Variants in DLC1 observed in about 807,000 individuals in gnomAD.
The protein encoded by DLC1 is rho GTPase-activating protein 7.
A neutral mutation model predicts 140.3 loss-of-function variants in DLC1; 54 were observed. That is an observed-to-expected ratio of 0.38 (90% CI 0.31 to 0.48). The LOEUF (loss-of-function observed/expected upper bound fraction) is 0.48. Ranked by LOEUF, DLC1 falls within the 20% of genes least tolerant of loss-of-function variation. The pLI is 0.96. For synonymous variants in DLC1, 986 were observed against 728.1 expected, an observed-to-expected ratio of 1.35 and a Z score of -5.70; for missense variants, 2,536 against 1,907.0, an observed-to-expected ratio of 1.33 and a Z score of -6.14.
chr8:13,404,846 T>A (rs894317426), intron 2 of DLC1, among the ~76,000 whole-genome samples: 10 of 151,964 alleles, frequency 6.6e-5, no homozygotes, highest in Admixed American at 5.3e-4. Flanking sequence ...AAAAATATAT[T>A]TTTTTAAAAA....
chr8:13,179,294 C>T (rs985353784), intron 5 of DLC1, among the ~76,000 whole-genome samples: 1 of 151,798 alleles, frequency 6.6e-6, no homozygotes, highest in East Asian at 1.9e-4. Flanking sequence ...AGGAAGGGAT[C>T]GTCTGCAGAG....
intron 5 of DLC1, among the ~76,000 whole-genome samples, chr8:13,289,362 A>AT (rs919129315): frequency 4.0e-5 from 6 of 151,478 alleles, no homozygotes; most frequent in East Asian, 1.9e-4. Flanking sequence ...GGTTAAATTA[A>AT]TTTTTTTTTC....
chr8:13,407,385 A>G (rs977078264), intron 2 of DLC1, among the ~76,000 whole-genome samples: 1 of 152,136 alleles, frequency 6.6e-6, no homozygotes, highest in Non-Finnish European at 1.5e-5. Context: ...CCCTCTTTCT[A>G]CAAATGCTCT....
At chr8:13,299,178 C>T (rs915323231) in intron 5 of DLC1, among the ~76,000 whole-genome samples, 1 of 151,768 alleles carries the variant, frequency 6.6e-6, no homozygotes, top group Non-Finnish European at 1.5e-5. Context: ...TGGGGTGGCT[C>T]ATGCCTGTAA....
chr8:13,308,991 A>C (rs1404781403), intron 4 of DLC1, among the ~76,000 whole-genome samples: 1 of 152,202 alleles, frequency 6.6e-6, no homozygotes, highest in East Asian at 1.9e-4. Flanking sequence ...GTAGGTGTTC[A>C]TCAACATTTT....
At chr8:13,210,289 G>A (rs1827875907) in intron 5 of DLC1, among the ~76,000 whole-genome samples, 1 of 152,046 alleles carries the variant, frequency 6.6e-6, no homozygotes, top group African/African-American at 2.4e-5. Flanking sequence ...TCAATTCTGG[G>A]TATCTTTAAA....
At chr8:13,206,779 C>T (rs1255980214) in intron 5 of DLC1, among the ~76,000 whole-genome samples, 1 of 151,862 alleles carries the variant, frequency 6.6e-6, no homozygotes, top group Non-Finnish European at 1.5e-5. Flanking sequence ...TAGGGAGTGG[C>T]CACAAACACC....
At chr8:13,480,397 C>T (rs908420912) in intron 2 of DLC1, among the ~76,000 whole-genome samples, 5 of 152,142 alleles carry the variant, frequency 3.3e-5, no homozygotes, top group Non-Finnish European at 5.9e-5. Context: ...ATAGAAAGAA[C>T]GTAAAAGAAA....
rs560705721 is a variant in DLC1 at position 13,174,485 on chromosome 8, T to C, written c.1349-58828A>G. On this transcript the variant is annotated intron_variant, in intron 5 of 17. Transcript: ENST00000276297. Reference sequence around the variant, plus strand: ...GAACTAAGGTACATTCCTACCAACATTGTCTAAGGGTTTCCTTTTCTCTGC... The same window carrying C: ...GAACTAAGGTACATTCCTACCAACACTGTCTAAGGGTTTCCTTTTCTCTGC... 2.6e-5 allele frequency among the ~76,000 whole-genome samples: 4 copies of C among 152,312 alleles called. No homozygotes were observed. The East Asian group carries it at 7.7e-4, about 29-fold the overall frequency.
intron 5 of DLC1, among the ~76,000 whole-genome samples, chr8:13,300,274 C>CT (rs1462481240): frequency 6.6e-6 from 1 of 151,908 alleles, no homozygotes; most frequent in Non-Finnish European, 1.5e-5. Flanking sequence ...GTCACTGGGC[C>CT]TTTTTTGGGG....
intron 4 of DLC1, among the ~76,000 whole-genome samples, chr8:13,312,866 G>C (rs766755414): frequency 2.1e-4 from 32 of 152,126 alleles, no homozygotes; most frequent in Non-Finnish European, 3.7e-4. Context: ...GAGTAATGTA[G>C]ACATGTAGGC....
intron 4 of DLC1, among the ~76,000 whole-genome samples, chr8:13,334,717 C>T (rs117188007): frequency 0.056 from 8,581 of 152,202 alleles, 360 homozygotes; most frequent in Non-Finnish European, 0.089. Context: ...TTGATCTTGG[C>T]TGAAAATCTG....
At chr8:13,216,136 C>T (rs1217730237) in intron 5 of DLC1, among the ~76,000 whole-genome samples, 1 of 152,168 alleles carries the variant, frequency 6.6e-6, no homozygotes, top group Admixed American at 6.5e-5. Context: ...CCTCTCCTTG[C>T]CAGCCTTCCA....
Position 13,131,981 on chromosome 8 carries a change from C to T in DLC1, c.1349-16324G>A, listed in dbSNP as rs79141684. On this transcript the variant is annotated intron_variant, in intron 5 of 17. Coordinates refer to ENST00000276297, the MANE Select transcript of DLC1 (RefSeq NM_182643.3). The stretch of plus-strand genomic sequence containing the variant: ...TCCTTCGGAGGGATCAAAGGCTCGC[C>T]CCAGGACTCTGGAGGTGGGGACAGC... 5.9e-3 allele frequency among the ~76,000 whole-genome samples: 891 copies of T among 152,266 alleles called. 8 individuals carry two copies. Among genetic ancestry groups the T allele is most frequent in the African/African-American group, 0.019 (809 of 41,558 alleles).
At chr8:13,428,361 C>A (rs1838695300) in intron 2 of DLC1, among the ~76,000 whole-genome samples, 3 of 152,046 alleles carry the variant, frequency 2.0e-5, no homozygotes, top group Non-Finnish European at 4.4e-5. Context: ...ATAGGCATGG[C>A]TTGAGAGGAA....
intron 1 of DLC1, chr8:13,566,927 G>A: frequency 2.7e-6 from 4 of 1,466,508 alleles, no homozygotes; most frequent in African/African-American, 1.4e-5. Flanking sequence ...GTCAGCTCCT[G>A]ACGGGTTCCT....
At chr8:13,474,342 G>A (rs954411127) in intron 2 of DLC1, among the ~76,000 whole-genome samples, 1 of 152,196 alleles carries the variant, frequency 6.6e-6, no homozygotes, top group Non-Finnish European at 1.5e-5. Flanking sequence ...AGATTTCAGA[G>A]GATGTATGGA....
intron 8 of DLC1, among the ~76,000 whole-genome samples, chr8:13,101,462 A>T (rs1819083065): frequency 6.6e-6 from 1 of 152,170 alleles, no homozygotes; most frequent in South Asian, 2.1e-4. Flanking sequence ...TTGTTGGTGT[A>T]TGTTTATATT....
At chr8:13,534,185 T>C (rs1803192125) in intron 1 of DLC1, among the ~76,000 whole-genome samples, 1 of 152,166 alleles carries the variant, frequency 6.6e-6, no homozygotes, top group Admixed American at 6.5e-5. Flanking sequence ...ATTTCCAGAC[T>C]ATTTTACTTA....
Sources: gnomAD v4.1 joint callset for allele counts (sites outside exome capture counted in the v4.1 genomes callset) on GRCh38, gnomAD v4.1.1 for gene constraint, MANE v1.5 for transcripts, NCBI Gene and HGNC (gene_info 2026-07-23, HGNC 2026-07-21) for gene names.